AHI1: variants seen among roughly 807,000 people sequenced by gnomAD.
The protein encoded by AHI1 is jouberin.
In AHI1, 123 loss-of-function variants were observed where a neutral mutation model predicts 149.3. That is an observed-to-expected ratio of 0.82 (90% CI 0.71 to 0.96). The LOEUF (loss-of-function observed/expected upper bound fraction) is 0.96. Among genes scored for constraint, AHI1 ranks in the 40% least tolerant of loss-of-function variants. The pLI is 0.00. For missense variants in AHI1, 1,439 were observed against 1,422.7 expected, an observed-to-expected ratio of 1.01 and a Z score of -0.18; for synonymous variants, 475 against 459.8, an observed-to-expected ratio of 1.03 and a Z score of -0.42.
intron 23 of AHI1, among the ~76,000 whole-genome samples, chr6:135,369,448 C>T (rs1009343209): frequency 7.2e-5 from 11 of 152,188 alleles, no homozygotes; most frequent in Admixed American, 6.5e-4. Context: ...GAGACAGCAT[C>T]AACACAGTTA....
intron 5 of AHI1, among the ~76,000 whole-genome samples, chr6:135,470,540 C>A (rs562368713): frequency 6.6e-6 from 1 of 152,150 alleles, no homozygotes; most frequent in South Asian, 2.1e-4. Flanking sequence ...GCACTACTCA[C>A]AATAGCAAAG....
chr6:135,358,011 G>A (rs1793258813), intron 24 of AHI1, 121 bp downstream of exon 24: 2 of 752,036 alleles, frequency 2.7e-6, no homozygotes, highest in Non-Finnish European at 4.5e-6. Flanking sequence ...AACAAATCTT[G>A]CAGGGATATA....
At chr6:135,318,338 T>C (rs965463518) in intron 26 of AHI1, 181 bp downstream of exon 26, 5 of 553,662 alleles carry the variant, frequency 9.0e-6, no homozygotes, top group Non-Finnish European at 1.6e-5. Context: ...CCTCCTCAGT[T>C]TCCTTATCTG....
intron 20 of AHI1, among the ~76,000 whole-genome samples, chr6:135,413,670 A>C (rs2127980159): frequency 6.6e-6 from 1 of 152,212 alleles, no homozygotes; most frequent in South Asian, 2.1e-4. Flanking sequence ...ATGTTGTAGG[A>C]TTGAGATCAA....
intron 23 of AHI1, among the ~76,000 whole-genome samples, chr6:135,374,988 T>C (rs1043062867): frequency 6.6e-6 from 1 of 152,206 alleles, no homozygotes; most frequent in Non-Finnish European, 1.5e-5. Flanking sequence ...CCCAACTGTA[T>C]GCTAATGTAA....
intron 28 of AHI1, among the ~76,000 whole-genome samples, chr6:135,289,046 T>C (rs1782022226): frequency 6.6e-6 from 1 of 152,000 alleles, no homozygotes; most frequent in Non-Finnish European, 1.5e-5. Context: ...ATTTGATCAA[T>C]GGATGGTAAA....
chr6:135,445,184 A>T (rs1016519245), intron 13 of AHI1, among the ~76,000 whole-genome samples: 16 of 152,382 alleles, frequency 1.0e-4, no homozygotes, highest in Admixed American at 2.0e-4. Context: ...AATGTGATAT[A>T]AAATATAGAA....
chr6:135,482,894 C>CTTTTTTTTTGTTTTTTTTTTTTTTTTTT (rs1793908700), intron 5 of AHI1, among the ~76,000 whole-genome samples: 1 of 55,734 alleles, frequency 1.8e-5, no homozygotes. Context: ...CCATTTAAGG[C>CTTTTTTTTTGTTTTTTTTTTTTTTTTTT]TTTTTTTTTT....
At chr6:135,328,245 T>G (rs563782190) in intron 24 of AHI1, among the ~76,000 whole-genome samples, 15 of 152,308 alleles carry the variant, frequency 9.8e-5, no homozygotes, top group Admixed American at 9.1e-4. Flanking sequence ...AAAACATGGT[T>G]GGAAAGTTTT....
chr6:135,400,448 T>C (rs1199960967), intron 22 of AHI1, among the ~76,000 whole-genome samples: 2 of 151,602 alleles, frequency 1.3e-5, no homozygotes, highest in African/African-American at 4.9e-5. Flanking sequence ...CTAGGGTAGG[T>C]GATGTAATAC....
At chr6:135,431,395 A>AGTTT in intron 16 of AHI1, 81 bp from the exon 17 acceptor site, 1 of 806,240 alleles carries the variant, frequency 1.2e-6, no homozygotes, top group Non-Finnish European at 1.9e-6. Context: ...GGGAAACTAT[A>AGTTT]CCCCAGTAAA....
intron 28 of AHI1, among the ~76,000 whole-genome samples, chr6:135,285,981 GCAAT>G (rs879875386): frequency 1.3e-5 from 2 of 152,276 alleles, no homozygotes; most frequent in African/African-American, 2.4e-5. Flanking sequence ...TGAAGAGCAG[GCAAT>G]CAGAGTATAT....
chr6:135,311,160 G>T (rs1328990826), intron 26 of AHI1, among the ~76,000 whole-genome samples: 4 of 151,930 alleles, frequency 2.6e-5, no homozygotes, highest in Non-Finnish European at 1.5e-5. Flanking sequence ...ACATTAGCAG[G>T]GCATGGTGGC....
In AHI1 at chr6:135,437,182, G is replaced by A. The variant is rs1203766408; in HGVS notation, c.2036+1193C>T. Among the ~76,000 whole-genome samples, 10 of 152,300 alleles carry A rather than the reference G, an allele frequency of 6.6e-5. No individual in the cohort carries two copies. In the South Asian group the frequency reaches 2.1e-3, roughly 32 times the overall value. On this transcript the variant is annotated intron_variant, in intron 15 of 28. Coordinates refer to ENST00000265602, the MANE Select transcript of AHI1 (RefSeq NM_001134831.2). ...AGATAGTCATCTAATGAAGTGGGAAGACTGTGATTTACTGTAGAGAATGTT... is the reference window on the plus strand; with the variant it reads ...AGATAGTCATCTAATGAAGTGGGAAAACTGTGATTTACTGTAGAGAATGTT...
intron 26 of AHI1, among the ~76,000 whole-genome samples, chr6:135,303,541 C>A (rs1457933995): frequency 6.6e-6 from 1 of 150,588 alleles, no homozygotes; most frequent in East Asian, 1.9e-4. Flanking sequence ...AACCACTTAG[C>A]CTCTCTTGGG....
intron 26 of AHI1, chr6:135,301,710 AC>A: frequency 1.0e-6 from 1 of 985,448 alleles, no homozygotes; most frequent in Non-Finnish European, 1.2e-6. Context: ...GCAACAGGTG[AC>A]CCATTTGGTA....
At chr6:135,321,953 C>A (rs779463112) in intron 25 of AHI1, among the ~76,000 whole-genome samples, 1 of 152,182 alleles carries the variant, frequency 6.6e-6, no homozygotes, top group African/African-American at 2.4e-5. Flanking sequence ...AGGTGCCCAC[C>A]ACCACGCCTG....
intron 6 of AHI1, 102 bp from the exon 7 acceptor site, chr6:135,466,475 G>T: frequency 3.6e-6 from 4 of 1,105,530 alleles, no homozygotes; most frequent in Non-Finnish European, 3.9e-6. Context: ...ATTATTGGGA[G>T]GATTATTTAG....
At chr6:135,326,862 C>T (rs1417451352) in intron 24 of AHI1, among the ~76,000 whole-genome samples, 3 of 152,064 alleles carry the variant, frequency 2.0e-5, no homozygotes, top group South Asian at 2.1e-4. Context: ...ACCTGGCCCC[C>T]GACAGGTAAT....
Sources: allele counts gnomAD v4.1 joint callset (sites outside exome capture counted in the v4.1 genomes callset), GRCh38; gene constraint gnomAD v4.1.1; transcripts MANE v1.5; gene names NCBI Gene and HGNC (gene_info 2026-07-23, HGNC 2026-07-21).